The following EFR3A variants were observed in gnomAD, a reference collection of about 807,000 sequenced individuals.
EFR3A encodes EFR3 homolog A.
Under a neutral mutation model 104.4 loss-of-function variants are expected in EFR3A, and 76 were observed. The observed-to-expected ratio is 0.73, with a 90% CI of 0.60 to 0.88. The LOEUF (loss-of-function observed/expected upper bound fraction) is 0.88, where lower values mean the gene tolerates loss of function less well. Among genes scored for constraint, EFR3A ranks in the 40% least tolerant of loss-of-function variants. The pLI is 0.00. For synonymous variants in EFR3A, 330 were observed against 330.0 expected, an observed-to-expected ratio of 1.00 and a Z score of 0.00; for missense variants, 985 against 1,012.5, an observed-to-expected ratio of 0.97 and a Z score of 0.37.
chr8:131,974,538 C>G (rs919137598), intron 10 of EFR3A, among the ~76,000 whole-genome samples: 5 of 152,102 alleles, frequency 3.3e-5, no homozygotes, highest in African/African-American at 1.2e-4. Flanking sequence ...TAACCCTTAC[C>G]TCAGGCCCTA....
chr8:131,950,147 T>C, intron 5 of EFR3A, 57 bp downstream of exon 5: 2 of 1,483,648 alleles, frequency 1.3e-6, no homozygotes, highest in Non-Finnish European at 1.8e-6. Flanking sequence ...TAATATTGTG[T>C]TCATATGTTA....
intron 2 of EFR3A, among the ~76,000 whole-genome samples, chr8:131,944,433 T>C (rs2130573609): frequency 6.6e-6 from 1 of 152,258 alleles, no homozygotes; most frequent in Admixed American, 6.6e-5. Context: ...AAATTTTGTT[T>C]GAAATCTTTT....
chr8:131,985,106 T>C (rs10085968), intron 16 of EFR3A, 46 bp downstream of exon 16: 272,193 of 1,549,692 alleles, frequency 0.18, 26,132 homozygotes, highest in East Asian at 0.36. Flanking sequence ...TGTACAAAAT[T>C]GCTAATTTTA....
At chr8:131,932,103 C>T (rs1370599654) in intron 1 of EFR3A, among the ~76,000 whole-genome samples, 1 of 152,130 alleles carries the variant, frequency 6.6e-6, no homozygotes, top group East Asian at 1.9e-4. Flanking sequence ...ATATTCTTGC[C>T]ACAATCCCAT....
At position 131,984,145 on chromosome 8, in the gene EFR3A, C is replaced by G. The variant is rs1820754808; in HGVS notation, c.1582C>G (p.Gln528Glu). 6.2e-7 allele frequency: 1 copy of G among 1,600,358 alleles called. No individual in the cohort carries two copies. Among genetic ancestry groups the G allele is most frequent in the Admixed American group, 1.7e-5 (1 of 57,222 alleles). The stretch of plus-strand genomic sequence containing the variant: ...CTCTGTCTTTTCTCCTCAGAATGGG[C>G]AACAGCTGTATCGGCACATATATTT... ...QDTSFMKKNG[Q>E]QLYRHIYLGC... is the part of the protein sequence containing the mutation. The change falls in exon 15 of 23, where the codon CAA becomes GAA. Residue 528 changes from glutamine (Q) to glutamate (E), a missense_variant. Physicochemically the swap from Gln to Glu is conservative, Grantham distance 29. Coordinates refer to ENST00000254624, the MANE Select transcript of EFR3A (RefSeq NM_015137.6).
intron 18 of EFR3A, among the ~76,000 whole-genome samples, chr8:131,990,938 G>GT (rs1160964322): frequency 1.3e-5 from 2 of 152,062 alleles, no homozygotes; most frequent in Non-Finnish European, 2.9e-5. Context: ...TCATTTGCTT[G>GT]TTTTTTTGTG....
At chr8:131,910,560 A>G (rs552939978) in intron 1 of EFR3A, among the ~76,000 whole-genome samples, 1 of 152,322 alleles carries the variant, frequency 6.6e-6, no homozygotes, top group Non-Finnish European at 1.5e-5. Context: ...GGCGTGAGCC[A>G]CTGTGCCCAG....
rs113149194 is a variant in EFR3A, at chr8:132,011,060, T to C, written c.*165T>C. 258 of 1,272,326 alleles carry C rather than the reference T, an allele frequency of 2.0e-4. No individual in the cohort carries two copies. The African/African-American group carries it at 3.6e-3, about 18-fold the overall frequency. The allele number at this position is 1,272,326 out of a possible 1,614,324, so 78.8% of individuals were successfully genotyped here. A position where few individuals can be genotyped will look rare whatever the true frequency, so the allele number is the denominator to read the frequency against. Reference sequence around the variant, plus strand: ...TACCATATTAGAAGTTTTGGAGCTATATATAATTTCGAGTACTTTCAAAGA... The same window carrying C: ...TACCATATTAGAAGTTTTGGAGCTACATATAATTTCGAGTACTTTCAAAGA... On this transcript the variant is annotated 3_prime_UTR_variant, in exon 23 of 23. Transcript: ENST00000254624.
chr8:131,922,044 A>G lies in EFR3A; in HGVS notation c.10+17722A>G, dbSNP rs530679816. 3.9e-5 allele frequency among the ~76,000 whole-genome samples: 6 copies of G among 152,284 alleles called. 1 individual carries two copies. The highest frequency in any genetic ancestry group is 1.4e-4 in the African/African-American group (6 of 41,572). The stretch of plus-strand genomic sequence containing the variant: ...GGTTTGGGCAGGATCATGCTTCTGA[A>G]GGCTCTAGGGAAGAATACTTCTTTG... On this transcript the variant is annotated intron_variant, in intron 1 of 22. Transcript: ENST00000254624.
At chr8:131,982,173 AT>A (rs1021931972) in intron 14 of EFR3A, among the ~76,000 whole-genome samples, 2 of 151,898 alleles carry the variant, frequency 1.3e-5, no homozygotes, top group Non-Finnish European at 2.9e-5. Flanking sequence ...ACTCTTTCAA[AT>A]TTTTTTTACA....
rs369706850 is a variant in EFR3A, at chr8:131,937,382, A to G, written c.11-3117A>G. 5.9e-5 allele frequency among the ~76,000 whole-genome samples: 9 copies of G among 152,254 alleles called. No individual in the cohort carries two copies. In the East Asian group the frequency reaches 9.7e-4, roughly 16 times the overall value. On this transcript the variant is annotated intron_variant, in intron 1 of 22. Transcript: ENST00000254624. The stretch of plus-strand genomic sequence containing the variant: ...ACTAAGGCTCAGAGAGCTGTATTGA[A>G]TAGATTACTTCTGAGCTTATGTGTA...
chr8:131,965,530 A>G (rs1819656338), intron 8 of EFR3A, among the ~76,000 whole-genome samples: 1 of 152,248 alleles, frequency 6.6e-6, no homozygotes, highest in Admixed American at 6.5e-5. Flanking sequence ...CACGCCAATT[A>G]GAATGGCAAT....
At chr8:131,917,241 C>T (rs144805076) in intron 1 of EFR3A, among the ~76,000 whole-genome samples, 1 of 152,350 alleles carries the variant, frequency 6.6e-6, no homozygotes, top group East Asian at 1.9e-4. Flanking sequence ...GAGCTGTCAC[C>T]TGAGAGTATC....
intron 18 of EFR3A, among the ~76,000 whole-genome samples, chr8:131,992,310 G>A (rs16904566): frequency 0.02 from 2,990 of 152,254 alleles, 43 homozygotes; most frequent in South Asian, 0.042. Flanking sequence ...GGTTAACTCA[G>A]CAGTAGCCAC....
intron 10 of EFR3A, among the ~76,000 whole-genome samples, chr8:131,973,478 A>G (rs1310949295): frequency 1.3e-5 from 2 of 152,202 alleles, no homozygotes; most frequent in Admixed American, 6.5e-5. Flanking sequence ...GACTCAAGCC[A>G]TATTTCTGTG....
In EFR3A at chr8:131,970,520, C is replaced by A; in HGVS notation, c.1036C>A (p.Arg346Ser). 1 of 1,613,850 alleles carries A rather than the reference C, an allele frequency of 6.2e-7. No homozygotes were observed. Among genetic ancestry groups the A allele is most frequent in the Non-Finnish European group, 8.5e-7 (1 of 1,179,806 alleles). The change falls in exon 10 of 23, where the codon CGT becomes AGT. Residue 346 changes from arginine to serine, a missense_variant. By Grantham distance (110) the Arg-to-Ser change is moderately radical. Transcript: ENST00000254624. ...CTTCAATACCCTTTTGAAACATCTG[C>A]GTCTCAGCGTTGAATTCGAAGCAAA... ...EVFNTLLKHLRLSVEFEANDL... is the reference protein window; with the variant it reads ...EVFNTLLKHLSLSVEFEANDL...
At chr8:131,985,169 T>C (rs1820813440) in intron 16 of EFR3A, 109 bp downstream of exon 16, 1 of 1,159,776 alleles carries the variant, frequency 8.6e-7, no homozygotes, top group African/African-American at 1.5e-5. Flanking sequence ...ATTAAGGTAA[T>C]TCTATAAAAA....
At chr8:132,003,912 C>A (rs1224590251) in intron 22 of EFR3A, among the ~76,000 whole-genome samples, 2 of 152,142 alleles carry the variant, frequency 1.3e-5, no homozygotes, top group Non-Finnish European at 2.9e-5. Context: ...TGGAAACCTG[C>A]CTTTGTGAGA....
rs1278236773 is a variant in EFR3A, at chr8:131,976,140, G to A, written c.1273G>A (p.Gly425Arg). ...STHTLDISQL[G>R]DLGTRRIQIM... is the part of the protein sequence containing the mutation. Reference sequence around the variant, plus strand: ...CCATACTTTGGATATCAGTCAACTAGGGTATGTTCTCAGACTGTAAATTTG... The same window carrying A: ...CCATACTTTGGATATCAGTCAACTAAGGTATGTTCTCAGACTGTAAATTTG... Residue 425 changes from glycine (G) to arginine (R), a missense_variant and splice_region_variant, in exon 11 of 23, where the codon GGG becomes AGG. By Grantham distance (125) the Gly-to-Arg change is moderately radical (BLOSUM62 -2). Transcript: ENST00000254624. 10 of 1,542,636 alleles carry A rather than the reference G, an allele frequency of 6.5e-6. No individual in the cohort carries two copies. Among genetic ancestry groups the A allele is most frequent in the Non-Finnish European group, 8.0e-6 (9 of 1,124,154 alleles).
Sources: gnomAD v4.1 joint callset for allele counts (sites outside exome capture counted in the v4.1 genomes callset) on GRCh38, gnomAD v4.1.1 for gene constraint, MANE v1.5 for transcripts, NCBI Gene and HGNC (gene_info 2026-07-23, HGNC 2026-07-21) for gene names.